Variants in DNAAF4 observed in about 807,000 individuals in gnomAD.
DNAAF4 encodes the protein dynein assembly factor 4, axonemal.
In DNAAF4, 43 loss-of-function variants were observed where a neutral mutation model predicts 51.8. That is an observed-to-expected ratio of 0.83 (90% confidence interval 0.65 to 1.07). The LOEUF (loss-of-function observed/expected upper bound fraction) is 1.07. DNAAF4 is among the 50% of genes least tolerant of loss of function. The pLI is 0.00. For missense variants in DNAAF4, 581 were observed against 493.0 expected (o/e 1.18, Z -1.69); for synonymous variants, 194 against 165.6 (o/e 1.17, Z -1.32).
chr15:55,458,939 G>A (rs188201464), intron 5 of DNAAF4, among the ~76,000 whole-genome samples: 2 of 152,204 alleles, frequency 1.3e-5, no homozygotes, highest in African/African-American at 4.8e-5. Flanking sequence ...AGCCAGGCGT[G>A]GTGGCAGGTG....
intron 5 of DNAAF4, among the ~76,000 whole-genome samples, chr15:55,461,846 G>A (rs1317872356): frequency 6.6e-6 from 1 of 152,130 alleles, no homozygotes; most frequent in African/African-American, 2.4e-5. Flanking sequence ...TAAACAAAAT[G>A]CTGGTTCTTT....
chr15:55,445,993 ACGGGG>A (rs2057798722), intron 6 of DNAAF4, among the ~76,000 whole-genome samples: 1 of 133,120 alleles, frequency 7.5e-6, no homozygotes, highest in Non-Finnish European at 1.6e-5. Flanking sequence ...CACATCCCAG[ACGGGG>A]TGGCCGGGCA....
intron 8 of DNAAF4, among the ~76,000 whole-genome samples, chr15:55,434,036 TTA>T (rs1176352687): frequency 1.0e-5 from 1 of 100,288 alleles, no homozygotes; most frequent in Non-Finnish European, 1.9e-5. Context: ...ATAATATATA[TTA>T]TATATATATA....
intron 5 of DNAAF4, among the ~76,000 whole-genome samples, chr15:55,456,379 G>A (rs1191843392): frequency 5.3e-5 from 8 of 152,252 alleles, no homozygotes; most frequent in Non-Finnish European, 1.2e-4. Context: ...ACTGCATCCG[G>A]CGGAAAATGC....
intron 4 of DNAAF4, among the ~76,000 whole-genome samples, chr15:55,478,446 C>T (rs2058364838): frequency 6.6e-6 from 1 of 152,150 alleles, no homozygotes; most frequent in Admixed American, 6.5e-5. Flanking sequence ...TGGACCATGT[C>T]AACAAACAGG....
chr15:55,497,821 A>G lies in DNAAF4; in HGVS notation c.162T>C (p.Tyr54=). The change falls in exon 3 of 10, where the codon TAT becomes TAC. Residue 54 remains tyrosine, a synonymous_variant. Transcript: ENST00000321149. ...TGCTGCTCTCATCGTCTATGGGAGC[A>G]TAAAGAAATGCCTCAAATAAAAATG... is the stretch of plus-strand genomic sequence containing the variant. ...FPPFLFEAFL[Y]APIDDESSKA... 1 of 1,613,110 alleles carries G rather than the reference A, an allele frequency of 6.2e-7. No homozygotes were observed. Among genetic ancestry groups the G allele is most frequent in the Non-Finnish European group, 8.5e-7 (1 of 1,179,682 alleles).
rs548584198 is a variant in DNAAF4 at position 55,424,935 on chromosome 15, G to A, written c.1048-6802C>T. Among the ~76,000 whole-genome samples, 216 of 145,690 alleles carry A rather than the reference G, an allele frequency of 1.5e-3. 1 individual carries two copies. The highest frequency in any genetic ancestry group is 5.2e-3 in the African/African-American group (203 of 39,132). Reference sequence around the variant, plus strand: ...TGCTGGAGTGCAATGGCGCATTCTCGGCTCACCACAACCGTCACCTCCCAG... The same window carrying A: ...TGCTGGAGTGCAATGGCGCATTCTCAGCTCACCACAACCGTCACCTCCCAG... On this transcript the variant is annotated intron_variant, in intron 7 of 7. Transcript: ENST00000448430.
chr15:55,497,905 A>T, intron 2 of DNAAF4, 46 bp from the exon 3 acceptor site: 1 of 1,564,210 alleles, frequency 6.4e-7, no homozygotes, highest in South Asian at 1.2e-5. Context: ...TACACAAATT[A>T]AGCACGCGTA....
intron 7 of DNAAF4, among the ~76,000 whole-genome samples, chr15:55,424,513 T>C (rs2057413627): frequency 6.6e-6 from 1 of 152,222 alleles, no homozygotes; most frequent in Non-Finnish European, 1.5e-5. Flanking sequence ...GGCTTGCTAG[T>C]GATTAAGAGG....
chr15:55,420,345 C>A (rs1287474875), intron 7 of DNAAF4, among the ~76,000 whole-genome samples: 1 of 152,096 alleles, frequency 6.6e-6, no homozygotes, highest in Non-Finnish European at 1.5e-5. Flanking sequence ...GATTCTACTA[C>A]ACACAGATTT....
intron 7 of DNAAF4, among the ~76,000 whole-genome samples, chr15:55,435,341 G>C (rs1458827262): frequency 6.6e-6 from 1 of 152,182 alleles, no homozygotes; most frequent in East Asian, 1.9e-4. Flanking sequence ...ATGGGCTAGT[G>C]TGACCTATAT....
intron 7 of DNAAF4, among the ~76,000 whole-genome samples, chr15:55,424,261 T>C (rs1201581594): frequency 6.6e-6 from 1 of 152,216 alleles, no homozygotes; most frequent in Non-Finnish European, 1.5e-5. Context: ...ATGTGATACA[T>C]TCTGCCATGT....
intron 3 of DNAAF4, among the ~76,000 whole-genome samples, chr15:55,496,654 T>G (rs1044300841): frequency 6.6e-6 from 1 of 152,226 alleles, no homozygotes; most frequent in Admixed American, 6.5e-5. Flanking sequence ...CATCTTCTGC[T>G]TAATGTGCTC....
chr15:55,434,324 G>A (rs1371255583), intron 8 of DNAAF4, among the ~76,000 whole-genome samples: 1 of 151,720 alleles, frequency 6.6e-6, no homozygotes, highest in Non-Finnish European at 1.5e-5. Context: ...AAAGTAGTAT[G>A]ATATCAAAGT....
chr15:55,467,816 A>G (rs565719863), intron 4 of DNAAF4, among the ~76,000 whole-genome samples: 44 of 152,322 alleles, frequency 2.9e-4, no homozygotes, highest in Admixed American at 1.6e-3. Context: ...ATATCAGATG[A>G]ATTTGAAAGC....
At chr15:55,447,815 G>T (rs1411065568) in intron 6 of DNAAF4, among the ~76,000 whole-genome samples, 1 of 114,506 alleles carries the variant, frequency 8.7e-6, no homozygotes, top group African/African-American at 3.3e-5. Context: ...GGGCAGAGGG[G>T]AGAGGGGAGA....
At chr15:55,466,368 G>A (rs1221352471) in intron 5 of DNAAF4, among the ~76,000 whole-genome samples, 2 of 152,042 alleles carry the variant, frequency 1.3e-5, no homozygotes, top group African/African-American at 2.4e-5. Flanking sequence ...AGGCTGCAGT[G>A]AGCTCAGATC....
intron 7 of DNAAF4, among the ~76,000 whole-genome samples, chr15:55,436,279 TC>T (rs2057609083): frequency 6.6e-6 from 1 of 152,204 alleles, no homozygotes; most frequent in South Asian, 2.1e-4. Flanking sequence ...ATAAGACATT[TC>T]CCAAATGGTT....
chr15:55,469,524 C>T (rs1276667131), intron 4 of DNAAF4, among the ~76,000 whole-genome samples: 1 of 116,092 alleles, frequency 8.6e-6, no homozygotes, highest in Non-Finnish European at 1.6e-5. Context: ...ACTCTGTCGC[C>T]CAGGCTGGAG....
Sources: allele counts gnomAD v4.1 joint callset (sites outside exome capture counted in the v4.1 genomes callset), GRCh38; gene constraint gnomAD v4.1.1; transcripts MANE v1.5; gene names NCBI Gene and HGNC (gene_info 2026-07-23, HGNC 2026-07-21).